DLGAP2: variants seen among roughly 807,000 people sequenced by gnomAD.
The protein encoded by DLGAP2 is DLG associated protein 2, also known as disks large-associated protein 2.
A neutral mutation model predicts 100.3 loss-of-function variants in DLGAP2; 26 were observed. The ratio of observed to expected loss-of-function variants is 0.26; its 90% CI spans 0.19 to 0.36. The LOEUF (loss-of-function observed/expected upper bound fraction) is 0.36. DLGAP2 is among the 10% of genes least tolerant of loss of function. The probability of loss-of-function intolerance (pLI) is 1.00; values close to 1 mark genes in which losing one functional copy is unlikely to be tolerated. For synonymous variants in DLGAP2, 886 were observed against 630.1 expected, an observed-to-expected ratio of 1.41 and a Z score of -6.08; for missense variants, 1,858 against 1,453.2, an observed-to-expected ratio of 1.28 and a Z score of -4.53.
chr8:1,683,687 C>T (rs1799018966), intron 12 of DLGAP2, among the ~76,000 whole-genome samples: 1 of 148,994 alleles, frequency 6.7e-6, no homozygotes, highest in Admixed American at 6.6e-5. Flanking sequence ...TGCCACACTC[C>T]TGCTCACACC....
intron 1 of DLGAP2, among the ~76,000 whole-genome samples, chr8:880,666 G>T (rs1025919121): frequency 4.1e-5 from 6 of 145,632 alleles, no homozygotes; most frequent in Non-Finnish European, 3.0e-5. Flanking sequence ...GACTTTATAG[G>T]TGGGTCGGGG....
At chr8:867,105 C>T (rs766765756) in intron 1 of DLGAP2, among the ~76,000 whole-genome samples, 28 of 152,236 alleles carry the variant, frequency 1.8e-4, no homozygotes, top group Admixed American at 6.5e-5. Context: ...GTGCCGCCTA[C>T]CGGCCGTCAC....
chr8:1,270,354 A>C (rs1017393745), intron 3 of DLGAP2, among the ~76,000 whole-genome samples: 2 of 152,224 alleles, frequency 1.3e-5, no homozygotes, highest in African/African-American at 4.8e-5. Context: ...GATGTGGGCA[A>C]TGGGGAGAAT....
rs924872196 is a variant in DLGAP2, at chr8:1,635,936, C to A, written c.1810+2890C>A. Among the ~76,000 whole-genome samples, 5 of 152,302 alleles carry A rather than the reference C, an allele frequency of 3.3e-5. No homozygotes were observed. The East Asian group carries it at 7.7e-4, about 24-fold the overall frequency. ...GCTGGTGATCGAGCTGAGACAGACCCTTTTAATCTAATCACCAGGGAACTC... is the reference window on the plus strand; with the variant it reads ...GCTGGTGATCGAGCTGAGACAGACCATTTTAATCTAATCACCAGGGAACTC... On this transcript the variant is annotated intron_variant, in intron 8 of 14. Coordinates refer to ENST00000637795, the MANE Select transcript of DLGAP2 (RefSeq NM_001346810.2).
At chr8:1,038,249 A>G (rs914823835) in intron 2 of DLGAP2, among the ~76,000 whole-genome samples, 9 of 152,212 alleles carry the variant, frequency 5.9e-5, no homozygotes, top group Non-Finnish European at 2.9e-5. Context: ...TCTGGTTGGA[A>G]GAGTTACAGC....
chr8:1,184,172 A>C (rs1797450590), intron 2 of DLGAP2, among the ~76,000 whole-genome samples: 2 of 152,260 alleles, frequency 1.3e-5, no homozygotes, highest in Non-Finnish European at 2.9e-5. Context: ...TGCAACCGTC[A>C]TGCCTCATTC....
intron 1 of DLGAP2, among the ~76,000 whole-genome samples, chr8:904,996 C>T (rs1798346772): frequency 6.6e-6 from 1 of 152,220 alleles, no homozygotes; most frequent in African/African-American, 2.4e-5. Context: ...CTTCCAGAGG[C>T]CGTGGCTGGT....
At chr8:808,359 T>C (rs892618238) in intron 1 of DLGAP2, among the ~76,000 whole-genome samples, 6 of 152,104 alleles carry the variant, frequency 3.9e-5, no homozygotes, top group African/African-American at 1.4e-4. Context: ...AAGTTCGTGG[T>C]GTGGGGCCCT....
At chr8:1,621,192 G>C (rs774632344) in intron 6 of DLGAP2, 1 of 152,206 alleles carries the variant, frequency 6.6e-6, no homozygotes, top group African/African-American at 2.4e-5. Flanking sequence ...GAAGCCTTTG[G>C]TGGCACATCC....
At chr8:1,129,933 C>T (rs150023019) in intron 2 of DLGAP2, among the ~76,000 whole-genome samples, 1 of 152,264 alleles carries the variant, frequency 6.6e-6, no homozygotes, top group Admixed American at 6.5e-5. Context: ...ATCCATTCAG[C>T]CTTGTAACCC....
intron 6 of DLGAP2, among the ~76,000 whole-genome samples, chr8:1,584,468 C>A (rs1182485385): frequency 6.6e-6 from 1 of 152,178 alleles, no homozygotes; most frequent in East Asian, 1.9e-4. Context: ...TCCTCTCTCA[C>A]AGTCTCCTCC....
intron 2 of DLGAP2, 118 bp downstream of exon 2, chr8:908,084 A>G (rs189484212): frequency 9.8e-4 from 386 of 394,374 alleles, no homozygotes; most frequent in Non-Finnish European, 1.6e-3. Context: ...GGTTGTTTTT[A>G]GTGCAAGATT....
intron 2 of DLGAP2, among the ~76,000 whole-genome samples, chr8:1,221,752 C>T (rs755552876): frequency 3.3e-5 from 5 of 152,178 alleles, no homozygotes; most frequent in Non-Finnish European, 5.9e-5. Flanking sequence ...TAGGTTTGCT[C>T]TCTTTACATT....
intron 3 of DLGAP2, among the ~76,000 whole-genome samples, chr8:1,464,237 A>AAAG (rs1798546434): frequency 5.7e-5 from 2 of 34,812 alleles, no homozygotes; most frequent in African/African-American, 1.4e-4. Context: ...TTCCAGGACG[A>AAAG]CACCCTTCCA....
intron 2 of DLGAP2, among the ~76,000 whole-genome samples, chr8:915,770 C>G (rs1355747394): frequency 1.3e-5 from 2 of 151,890 alleles, no homozygotes; most frequent in African/African-American, 4.8e-5. Context: ...TCCATCTGTC[C>G]CAGGGCGTGG....
intron 1 of DLGAP2, among the ~76,000 whole-genome samples, chr8:742,575 C>A (rs747866845): frequency 3.3e-5 from 5 of 152,212 alleles, no homozygotes; most frequent in Non-Finnish European, 4.4e-5. Flanking sequence ...CTGGCATGAT[C>A]ATAGCTAACT....
At chr8:1,663,128 G>T (rs528626464) in intron 8 of DLGAP2, among the ~76,000 whole-genome samples, 11 of 134,464 alleles carry the variant, frequency 8.2e-5, no homozygotes, top group African/African-American at 2.1e-4. Flanking sequence ...AGTGTGGGGG[G>T]TGTGTGTGTG....
chr8:1,451,086 C>T (rs1317348772), intron 3 of DLGAP2, among the ~76,000 whole-genome samples: 2 of 152,100 alleles, frequency 1.3e-5, no homozygotes, highest in East Asian at 1.9e-4. Context: ...ATGAGTAACA[C>T]ATATCCTACT....
In DLGAP2 at chr8:1,456,055, G is replaced by A. The variant is rs2130131521; in HGVS notation, c.107-45311G>A. Among the ~76,000 whole-genome samples, 6 of 152,324 alleles carry A rather than the reference G, an allele frequency of 3.9e-5. No homozygotes were observed. In the South Asian group the frequency reaches 1.2e-3, roughly 32 times the overall value. Reference sequence around the variant, plus strand: ...TCGCTGATTGGATTCTGAGGAATCTGTTGTTGGCCAACTCCTGGGTCCCTC... The same window carrying A: ...TCGCTGATTGGATTCTGAGGAATCTATTGTTGGCCAACTCCTGGGTCCCTC... On this transcript the variant is annotated intron_variant, in intron 3 of 14. Transcript: ENST00000637795.
Sources: gnomAD v4.1 joint callset for allele counts (sites outside exome capture counted in the v4.1 genomes callset) on GRCh38, gnomAD v4.1.1 for gene constraint, MANE v1.5 for transcripts, NCBI Gene and HGNC (gene_info 2026-07-23, HGNC 2026-07-21) for gene names.